Variants in PRKCSH observed in about 807,000 individuals in gnomAD.
PRKCSH encodes the protein glucosidase 2 subunit beta.
PRKCSH carries 42 observed loss-of-function variants against 79.7 expected under a neutral mutation model. The ratio of observed to expected loss-of-function variants is 0.53; its 90% confidence interval spans 0.41 to 0.68. PRKCSH has a LOEUF of 0.68. Ranked by LOEUF, PRKCSH falls within the 30% of genes least tolerant of loss-of-function variation. The pLI is 0.00. For synonymous variants in PRKCSH, 325 were observed against 288.2 expected (o/e 1.13, Z -1.29); for missense variants, 686 against 709.0 (o/e 0.97, Z 0.37).
At chr19:11,442,364 C>A in intron 6 of PRKCSH, 22 bp from the exon 7 acceptor site, 2 of 1,572,886 alleles carry the variant, frequency 1.3e-6, no homozygotes, top group South Asian at 2.3e-5. Flanking sequence ...GAGAGCTGGT[C>A]TCTTGCCTTC....
intron 5 of PRKCSH, among the ~76,000 whole-genome samples, chr19:11,439,753 T>C (rs1568362858): frequency 6.6e-6 from 1 of 151,454 alleles, no homozygotes; most frequent in Non-Finnish European, 1.5e-5. Flanking sequence ...CCTGAGTAGC[T>C]GGGACTACAG....
At chr19:11,445,309 T>A in intron 7 of PRKCSH, 80 bp from the exon 8 acceptor site, 1 of 1,406,508 alleles carries the variant, frequency 7.1e-7, no homozygotes, top group Non-Finnish European at 1.0e-6. Context: ...AGGCGCTTGG[T>A]GGCAAACGAC....
chr19:11,436,218 C>T lies in PRKCSH; in HGVS notation c.79+22C>T, dbSNP rs1568359204. ...ACCAGTGAGTCCTCCTGTTCACCCT[C>T]CCGCCAGGCTGGAGGTGGGAGGGGC... is the stretch of plus-strand genomic sequence containing the variant. On this transcript the variant is annotated intron_variant, in intron 2 of 17. Transcript: ENST00000677123. 4.4e-6 allele frequency: 7 copies of T among 1,593,122 alleles called. No individual in the cohort carries two copies. The South Asian group carries it at 6.7e-5, about 15-fold the overall frequency.
intron 1 of PRKCSH, 33 bp from the exon 2 acceptor site, chr19:11,436,008 T>C: frequency 6.9e-7 from 1 of 1,446,360 alleles, no homozygotes; most frequent in East Asian, 2.3e-5. Context: ...AGTAGCCCTC[T>C]CCCACTGACC....
rs569267111 is a variant in PRKCSH, at chr19:11,448,685, G to A, written c.1286+56G>A. ...GGCAGGGTGGGAGGCGGGTGGCCCC[G>A]GAAGTGGCACCGGCAGTTTCCTGAT... On this transcript the variant is annotated intron_variant, in intron 14 of 17. Transcript: ENST00000677123. The surrounding 1 kb of genome is among the most constrained non-coding windows in gnomAD (Gnocchi z 4.4). The A allele has an allele frequency of 6.9e-5, 105 of 1,529,898 alleles. No homozygotes were observed. In the South Asian group the frequency reaches 1.0e-3, roughly 15 times the overall value. 94.8% of individuals were successfully genotyped at this position (1,529,898 alleles called of 1,614,324 possible).
rs537621510 is a variant in PRKCSH, at chr19:11,436,052, A to T, written c.-66A>T. 9 of 1,583,050 alleles carry T rather than the reference A, an allele frequency of 5.7e-6. No individual in the cohort carries two copies. The highest frequency in any genetic ancestry group is 7.7e-6 in the Non-Finnish European group (9 of 1,163,762). Reference sequence around the variant, plus strand: ...CTTTCTTCCTGCAGCGTGAAGACACAGCGCATCTCCCCGCTGTAGGCTTCC... The same window carrying T: ...CTTTCTTCCTGCAGCGTGAAGACACTGCGCATCTCCCCGCTGTAGGCTTCC... On this transcript the variant is annotated 5_prime_UTR_variant, in exon 2 of 18. Transcript: ENST00000677123.
At position 11,436,519 on chromosome 19, in the gene PRKCSH, C is replaced by G. The variant is rs1969754620; in HGVS notation, c.196+14C>G. 1.9e-5 allele frequency: 30 copies of G among 1,584,662 alleles called. No homozygotes were observed. The highest frequency in any genetic ancestry group is 2.5e-5 in the Non-Finnish European group (29 of 1,155,404). On this transcript the variant is annotated intron_variant, in intron 3 of 17. Coordinates refer to ENST00000677123, the MANE Select transcript of PRKCSH (RefSeq NM_001289104.2). ...CTGACGAGCCAGGTGAGCCTTTTCT[C>G]TGTTCATCCATCAGATGTTTATTGA...
At chr19:11,435,887 G>C in intron 1 of PRKCSH, 154 bp from the exon 2 acceptor site, 2 of 968,408 alleles carry the variant, frequency 2.1e-6, no homozygotes, top group Non-Finnish European at 3.1e-6. Context: ...CCATTGATTT[G>C]AGCAAAGTGA....
chr19:11,444,608 A>C (rs1049455702), intron 7 of PRKCSH, among the ~76,000 whole-genome samples: 5 of 152,166 alleles, frequency 3.3e-5, no homozygotes, highest in African/African-American at 9.7e-5. Context: ...GTGGGAACTG[A>C]ATCCTGGTAT....
Position 11,448,465 on chromosome 19 carries a change from C to CCT in PRKCSH, c.1197-73_1197-72dup. On this transcript the variant is annotated intron_variant, in intron 13 of 17. Coordinates refer to ENST00000677123, the MANE Select transcript of PRKCSH (RefSeq NM_001289104.2). The surrounding 1 kb of genome is among the most constrained non-coding windows in gnomAD (Gnocchi z 4.4). ...CCTGGGCACCATTGCTCAGCCAGAC[C>CCT]CTCCTGTGTCTGTCGTCCTGGGTCA... The CCT allele has an allele frequency of 6.7e-7, 1 of 1,485,944 alleles. No homozygotes were observed. The allele number at this position is 1,485,944 out of a possible 1,614,324, so 92.0% of individuals were successfully genotyped here.
At position 11,442,324 on chromosome 19, in the gene PRKCSH, A is replaced by G. The variant is rs559390342; in HGVS notation, c.469-62A>G. On this transcript the variant is annotated intron_variant, in intron 6 of 17. Transcript: ENST00000677123. ...CCCTGTGGAGTAGAGGCAGGGAGGT[A>G]GTAGTCAATGAGGAGGAGGCAGAAC... 26 of 1,535,802 alleles carry G rather than the reference A, an allele frequency of 1.7e-5. No individual in the cohort carries two copies. The Admixed American group carries it at 3.5e-4, about 21-fold the overall frequency.
chr19:11,438,588 C>G (rs907674908), intron 5 of PRKCSH, among the ~76,000 whole-genome samples: 2 of 151,624 alleles, frequency 1.3e-5, no homozygotes, highest in African/African-American at 4.8e-5. Context: ...AACTCCGTCT[C>G]ACTAAAAATA....
Position 11,449,028 on chromosome 19 carries a change from T to A in PRKCSH, c.1361+40T>A. 14 of 1,613,004 alleles carry A rather than the reference T, an allele frequency of 8.7e-6. No homozygotes were observed. Among genetic ancestry groups the A allele is most frequent in the Non-Finnish European group, 1.2e-5 (14 of 1,179,934 alleles). On this transcript the variant is annotated intron_variant, in intron 15 of 17. Coordinates refer to ENST00000677123, the MANE Select transcript of PRKCSH (RefSeq NM_001289104.2). This position sits in a 1 kb window ranked among gnomAD's most constrained non-coding sequence, Gnocchi z 6.4. ...CTGGCCCCTTCCCTCTGCCTCCTCCTGGTGCCCCGACACCGGCCCAGCCCT... is the reference window on the plus strand; with the variant it reads ...CTGGCCCCTTCCCTCTGCCTCCTCCAGGTGCCCCGACACCGGCCCAGCCCT...
At chr19:11,443,039 A>G (rs1227319327) in intron 7 of PRKCSH, among the ~76,000 whole-genome samples, 4 of 151,728 alleles carry the variant, frequency 2.6e-5, no homozygotes, top group Non-Finnish European at 5.9e-5. Context: ...AGATTTTGTT[A>G]TATGACTTTA....
chr19:11,447,033 C>T lies in PRKCSH; in HGVS notation c.763-41C>T, dbSNP rs369509968. On this transcript the variant is annotated intron_variant, in intron 9 of 17. Transcript: ENST00000677123. The surrounding 1 kb of genome is among the most constrained non-coding windows in gnomAD (Gnocchi z 5.6). Reference sequence around the variant, plus strand: ...GCCGGGGTGGCCGAGATGGGGGACACGTGGTGGCCTAGATCTTGACACCAC... The same window carrying T: ...GCCGGGGTGGCCGAGATGGGGGACATGTGGTGGCCTAGATCTTGACACCAC... 243 of 1,593,896 alleles carry T rather than the reference C, an allele frequency of 1.5e-4. No individual in the cohort carries two copies. The highest frequency in any genetic ancestry group is 3.3e-4 in the Middle Eastern group (2 of 6,048).
chr19:11,444,441 C>G (rs1970201759), intron 7 of PRKCSH, among the ~76,000 whole-genome samples: 1 of 152,194 alleles, frequency 6.6e-6, no homozygotes, highest in Non-Finnish European at 1.5e-5. Flanking sequence ...ACAGAAAGGT[C>G]AGGGACCCCT....
rs115820640 is a variant in PRKCSH at position 11,435,665 on chromosome 19, C to T, written c.-119C>T. The T allele has an allele frequency of 6.2e-6, 8 of 1,297,912 alleles. No homozygotes were observed. Among genetic ancestry groups the T allele is most frequent in the African/African-American group, 3.0e-5 (2 of 66,310 alleles). 80.4% of individuals were successfully genotyped at this position (1,297,912 alleles called of 1,614,324 possible). A position where few individuals can be genotyped will look rare whatever the true frequency, so the allele number is the denominator to read the frequency against. On this transcript the variant is annotated 5_prime_UTR_variant, in exon 1 of 18. Coordinates refer to ENST00000677123, the MANE Select transcript of PRKCSH (RefSeq NM_001289104.2). ...TGCAGCAGGAACCGCGGCTGCTGGA[C>T]AAGAGGGGTGCGGTGGATACTGACC... is the stretch of plus-strand genomic sequence containing the variant.
In PRKCSH at chr19:11,448,935, C is replaced by T. The variant is rs773086443; in HGVS notation, c.1308C>T (p.Pro436=). ...ACAGATACGTCTACCGCCTCTGCCC[C>T]TTCAAGCTTGTCTCGCAGAAACCCA... ...TTNEYVYRLC[P]FKLVSQKPKL... The change falls in exon 15 of 18, where the codon CCC becomes CCT. Residue 436 remains proline (P), a synonymous_variant. Coordinates refer to ENST00000677123, the MANE Select transcript of PRKCSH (RefSeq NM_001289104.2). The surrounding 1 kb of genome is among the most constrained non-coding windows in gnomAD (Gnocchi z 4.4). The T allele has an allele frequency of 3.1e-6, 5 of 1,614,064 alleles. No individual in the cohort carries two copies. In the South Asian group the frequency reaches 5.5e-5, roughly 18 times the overall value.
intron 8 of PRKCSH, chr19:11,445,721 GT>G: frequency 1.7e-6 from 1 of 581,746 alleles, no homozygotes; most frequent in South Asian, 1.9e-5. Context: ...CTCAGGGAGT[GT>G]GTCTAGGCAT....
Sources: gnomAD v4.1 joint callset for allele counts (sites outside exome capture counted in the v4.1 genomes callset) on GRCh38, gnomAD v4.1.1 for gene constraint, Gnocchi (gnomAD v3.1) non-coding constraint, MANE v1.5 for transcripts, NCBI Gene and HGNC (gene_info 2026-07-23, HGNC 2026-07-21) for gene names.